GALNTL6: variants seen among roughly 807,000 people sequenced by gnomAD.
GALNTL6 encodes polypeptide N-acetylgalactosaminyltransferase like 6.
In GALNTL6, 46 loss-of-function variants were observed where a neutral mutation model predicts 73.7. That is an observed-to-expected ratio of 0.62 (90% confidence interval 0.49 to 0.80). GALNTL6 has a LOEUF of 0.80. GALNTL6 is among the 30% of genes least tolerant of loss of function. The pLI is 0.00. For synonymous variants in GALNTL6, 259 were observed against 263.7 expected, an observed-to-expected ratio of 0.98 and a Z score of 0.17; for missense variants, 604 against 755.0, an observed-to-expected ratio of 0.80 and a Z score of 2.34.
At chr4:173,039,323 C>G (rs1466642309) in intron 12 of GALNTL6, among the ~76,000 whole-genome samples, 1 of 152,196 alleles carries the variant, frequency 6.6e-6, no homozygotes, top group Non-Finnish European at 1.5e-5. Flanking sequence ...GTACATTCAG[C>G]TATTGCCTGT....
At chr4:173,035,218 G>A (rs1447119912) in intron 12 of GALNTL6, among the ~76,000 whole-genome samples, 3 of 127,768 alleles carry the variant, frequency 2.3e-5, no homozygotes, top group African/African-American at 9.1e-5. Flanking sequence ...CGCTCTTGTT[G>A]CCTGGGCTGG....
chr4:172,388,236 G>A (rs1169885767), intron 5 of GALNTL6, among the ~76,000 whole-genome samples: 2 of 152,120 alleles, frequency 1.3e-5, no homozygotes, highest in Non-Finnish European at 2.9e-5. Context: ...AGTACAGTAG[G>A]AGAGTTTAAT....
chr4:173,000,965 T>G (rs1752019247), intron 10 of GALNTL6, among the ~76,000 whole-genome samples: 1 of 152,144 alleles, frequency 6.6e-6, no homozygotes, highest in Non-Finnish European at 1.5e-5. Flanking sequence ...TGTAATTAAT[T>G]AAGATGAGAT....
intron 2 of GALNTL6, among the ~76,000 whole-genome samples, chr4:172,186,555 A>G (rs1190450927): frequency 2.6e-5 from 4 of 152,174 alleles, no homozygotes; most frequent in African/African-American, 9.6e-5. Flanking sequence ...TGATATATAC[A>G]GACAATGGTA....
chr4:172,241,217 A>G (rs73870044), intron 3 of GALNTL6, among the ~76,000 whole-genome samples: 1,790 of 152,286 alleles, frequency 0.012, 31 homozygotes, highest in African/African-American at 0.039. Context: ...AGGCTCTTCT[A>G]TGATTTCTCA....
chr4:172,230,413 C>A lies in GALNTL6; in HGVS notation c.247+649C>A, dbSNP rs539397459. ...CCATCCTGGCTAACGCGTTGAAACC[C>A]CATCTCTACTAAAAATACAAAAAAT... On this transcript the variant is annotated intron_variant, in intron 3 of 12. Transcript: ENST00000506823. 5.3e-4 allele frequency among the ~76,000 whole-genome samples: 80 copies of A among 152,020 alleles called. 1 individual carries two copies. Among genetic ancestry groups the A allele is most frequent in the African/African-American group, 1.9e-3 (80 of 41,488 alleles).
chr4:172,728,671 T>A (rs1320793354), intron 5 of GALNTL6, among the ~76,000 whole-genome samples: 1 of 152,216 alleles, frequency 6.6e-6, no homozygotes, highest in African/African-American at 2.4e-5. Context: ...TTATGAATAG[T>A]GCTGCAATAA....
At chr4:173,011,450 T>G (rs1489551898) in intron 11 of GALNTL6, among the ~76,000 whole-genome samples, 1 of 152,156 alleles carries the variant, frequency 6.6e-6, no homozygotes, top group Non-Finnish European at 1.5e-5. Flanking sequence ...TCCTGGAGAG[T>G]TTCCTCAATG....
intron 7 of GALNTL6, among the ~76,000 whole-genome samples, chr4:172,833,418 A>G (rs1742747148): frequency 1.3e-5 from 2 of 152,196 alleles, no homozygotes. Context: ...TTTTCTTATC[A>G]TTCCAACAGT....
chr4:171,888,306 C>T (rs191584561), intron 2 of GALNTL6, among the ~76,000 whole-genome samples: 248 of 150,684 alleles, frequency 1.6e-3, no homozygotes, highest in African/African-American at 5.7e-3. Context: ...AATTTACTTA[C>T]ATAACTTTAA....
intron 5 of GALNTL6, among the ~76,000 whole-genome samples, chr4:172,770,998 G>A (rs1053282398): frequency 6.6e-6 from 1 of 152,128 alleles, no homozygotes; most frequent in Non-Finnish European, 1.5e-5. Context: ...TGACTTTGTT[G>A]TATTTTAAAT....
At position 173,009,419 on chromosome 4, in the gene GALNTL6, C is replaced by T. The variant is rs146724885; in HGVS notation, c.1488+125C>T. 1.4e-3 allele frequency: 916 copies of T among 641,164 alleles called. 7 individuals carry two copies. In the African/African-American group the frequency reaches 0.014, roughly 10 times the overall value. The allele number at this position is 641,164 out of a possible 1,614,324, so 39.7% of individuals were successfully genotyped here. ...GTACTTGTGGGACCTGGAGTGAGGC[C>T]GCTGTATCACCAACCAGCTCTGCAG... On this transcript the variant is annotated intron_variant, in intron 11 of 12. Transcript: ENST00000506823.
chr4:172,061,579 C>G (rs1731201685), intron 2 of GALNTL6, among the ~76,000 whole-genome samples: 1 of 152,076 alleles, frequency 6.6e-6, no homozygotes, highest in Admixed American at 6.6e-5. Flanking sequence ...TTTGAAATGT[C>G]CCAGAAAGGC....
At chr4:172,618,186 G>T (rs1172986080) in intron 5 of GALNTL6, among the ~76,000 whole-genome samples, 1 of 152,164 alleles carries the variant, frequency 6.6e-6, no homozygotes, top group Non-Finnish European at 1.5e-5. Flanking sequence ...ATGGTGATTA[G>T]CCCTGGCAGC....
At chr4:172,863,093 C>T (rs981820795) in intron 7 of GALNTL6, among the ~76,000 whole-genome samples, 4 of 152,224 alleles carry the variant, frequency 2.6e-5, no homozygotes, top group African/African-American at 9.6e-5. Context: ...TGGAAACTTC[C>T]ACATAGATTT....
chr4:171,963,453 T>C (rs923363234), intron 2 of GALNTL6, among the ~76,000 whole-genome samples: 2 of 130,910 alleles, frequency 1.5e-5, no homozygotes, highest in Non-Finnish European at 3.3e-5. Context: ...AAGAGTGGAA[T>C]TTAAAGAGTG....
chr4:172,082,565 A>G (rs1011041402), intron 2 of GALNTL6, among the ~76,000 whole-genome samples: 13 of 152,210 alleles, frequency 8.5e-5, no homozygotes, highest in Admixed American at 8.5e-4. Flanking sequence ...AAGGAGAAAG[A>G]CAATGAACAT....
At chr4:172,472,788 A>C (rs893268956) in intron 5 of GALNTL6, among the ~76,000 whole-genome samples, 3 of 152,130 alleles carry the variant, frequency 2.0e-5, no homozygotes, top group Non-Finnish European at 4.4e-5. Context: ...AAAGGCAAGA[A>C]AGAATCCTCT....
intron 2 of GALNTL6, among the ~76,000 whole-genome samples, chr4:171,862,543 C>G (rs967614516): frequency 1.3e-4 from 20 of 152,032 alleles, no homozygotes; most frequent in Non-Finnish European, 2.5e-4. Flanking sequence ...AGTAAGCAAG[C>G]AAATACTAGC....
Sources: gnomAD v4.1 joint callset for allele counts (sites outside exome capture counted in the v4.1 genomes callset) on GRCh38, gnomAD v4.1.1 for gene constraint, MANE v1.5 for transcripts, NCBI Gene and HGNC (gene_info 2026-07-23, HGNC 2026-07-21) for gene names.